The following GREP1 variants were observed in gnomAD, a reference collection of about 807,000 sequenced individuals.
GREP1 encodes glycine rich extracellular protein 1.
chr16:3,000,465 T>A (rs558182773), exon 31 of GREP1: 1 of 399,168 alleles, frequency 2.5e-6, no homozygotes. Flanking sequence ...GTTTTAGGAA[T>A]AGTGAGTCAG....
At position 2,994,793 on chromosome 16, in the gene GREP1, G is replaced by C. The variant is rs1182434214; in HGVS notation, c.416-13G>C. On this transcript the variant is annotated splice_polypyrimidine_tract_variant and intron_variant, in intron 11 of 34. Transcript: ENST00000573315. ...GCCCCAGGTTCCTCACCTGCTCCCT[G>C]TCTCTCCACCAGGCTATGTGGGGGC... The C allele has an allele frequency of 1.3e-5, 5 of 399,066 alleles. No homozygotes were observed. The highest frequency in any genetic ancestry group is 2.2e-5 in the Non-Finnish European group (5 of 226,206). 24.7% of individuals were successfully genotyped at this position (399,066 alleles called of 1,614,324 possible).
In GREP1 at chr16:2,991,066, G is replaced by A. The variant is rs2072396661; in HGVS notation, c.287G>A (p.Gly96Glu). 1 of 399,288 alleles carries A rather than the reference G, an allele frequency of 2.5e-6. No homozygotes were observed. The highest frequency in any genetic ancestry group is 3.6e-5 in the East Asian group (1 of 28,072). 24.7% of individuals were successfully genotyped at this position (399,288 alleles called of 1,614,324 possible). A position where few individuals can be genotyped will look rare whatever the true frequency, so the allele number is the denominator to read the frequency against. Reference sequence around the variant, plus strand: ...TCCCCAGGATATGGAAACGGGCTGGGAGCAGCGGCCTTCCCAGTGGCCGGA... The same window carrying A: ...TCCCCAGGATATGGAAACGGGCTGGAAGCAGCGGCCTTCCCAGTGGCCGGA... The change falls in exon 8 of 35, where the codon GGA becomes GAA. Residue 96 changes from glycine to glutamate, a missense_variant. Gly to Glu is a moderately conservative substitution (Grantham distance 98). Transcript: ENST00000573315. This position sits in a 1 kb window ranked among gnomAD's most constrained non-coding sequence, Gnocchi z 4.9.
chr16:2,988,931 G>C (rs1232368109), intron 2 of GREP1: 4 of 351,004 alleles, frequency 1.1e-5, no homozygotes, highest in Non-Finnish European at 2.0e-5. Context: ...GAGGGGGAGA[G>C]GAGGGAGGGG....
Position 2,989,389 on chromosome 16 carries a change from C to T in GREP1, c.101-134C>T. On this transcript the variant is annotated intron_variant, in intron 2 of 34. Transcript: ENST00000573315. This position sits in a 1 kb window ranked among gnomAD's most constrained non-coding sequence, Gnocchi z 4.2. ...CCCTTGTAAGTTCCCCTGCTTCCCC[C>T]TGAACCCCACAGGCTTAGGGAGCCC... The T allele has an allele frequency of 2.5e-6, 1 of 398,476 alleles. No individual in the cohort carries two copies. Among genetic ancestry groups the T allele is most frequent in the African/African-American group, 2.1e-5 (1 of 48,746 alleles). The allele number at this position is 398,476 out of a possible 1,614,324, so 24.7% of individuals were successfully genotyped here. A position where few individuals can be genotyped will look rare whatever the true frequency, so the allele number is the denominator to read the frequency against.
At chr16:3,001,904 G>A (rs539370566) in exon 35 of GREP1, 11 of 347,396 alleles carry the variant, frequency 3.2e-5, no homozygotes, top group South Asian at 1.5e-4. Context: ...CTTGGTGACC[G>A]CCTAGCGGGG....
chr16:2,990,986 T>C (rs2072396285), intron 7 of GREP1, 62 bp from the exon 7 acceptor site: 1 of 399,022 alleles, frequency 2.5e-6, no homozygotes, highest in African/African-American at 2.1e-5. Context: ...CCACCCTCTG[T>C]CTCTGTCTCT....
intron 21 of GREP1, 112 bp downstream of exon 20, chr16:2,997,197 A>T (rs2072429625): frequency 2.5e-6 from 1 of 398,666 alleles, no homozygotes; most frequent in African/African-American, 2.1e-5. Flanking sequence ...GAGCCGAGCC[A>T]GTGAGGGGGT....
At chr16:2,999,311 G>A (rs1040064556) in intron 27 of GREP1, 5 of 398,630 alleles carry the variant, frequency 1.3e-5, no homozygotes, top group African/African-American at 8.2e-5. Context: ...GTGTGAGTCT[G>A]TCTGCCCCCA....
At chr16:2,996,334 C>T (rs2072424649) in intron 18 of GREP1, among the ~76,000 whole-genome samples, 162 bp from the exon 18 acceptor site, 4 of 152,126 alleles carry the variant, frequency 2.6e-5, no homozygotes, top group African/African-American at 9.7e-5. Flanking sequence ...GTGCCACTGG[C>T]TGGCCGGATG....
chr16:2,997,751 A>T (rs1013970085), intron 22 of GREP1, 52 bp from the exon 21 acceptor site: 2 of 398,004 alleles, frequency 5.0e-6, no homozygotes, highest in Non-Finnish European at 8.8e-6. Flanking sequence ...TCTGGAAGAG[A>T]CCCCTCAGTG....
chr16:3,001,452 G>A, intron 34 of GREP1, 109 bp from the exon 29 acceptor site: 1 of 399,108 alleles, frequency 2.5e-6, no homozygotes, highest in Non-Finnish European at 4.4e-6. Context: ...CCACCTGTAG[G>A]TGGCTGCTGA....
Position 2,996,477 on chromosome 16 carries a change from TC to T in GREP1, c.677-15del. On this transcript the variant is annotated intron_variant, in intron 18 of 34. Coordinates refer to ENST00000573315, the Ensembl canonical transcript of GREP1. Reference sequence around the variant, plus strand: ...CTCCGAATGCCGCCGTCTCACACCCTCCCCGTCCCTCCCCCTAGAATATGGC... The same window carrying T: ...CTCCGAATGCCGCCGTCTCACACCCTCCCGTCCCTCCCCCTAGAATATGGC... 2.5e-6 allele frequency: 1 copy of T among 398,202 alleles called. No individual in the cohort carries two copies. The highest frequency in any genetic ancestry group is 4.4e-6 in the Non-Finnish European group (1 of 225,892). 24.7% of individuals were successfully genotyped at this position (398,202 alleles called of 1,614,324 possible).
In GREP1 at chr16:2,993,115, G is replaced by T. The variant is rs2072407213; in HGVS notation, c.385+152G>T. Reference sequence around the variant, plus strand: ...GGAGTCGGGGCCTTCCTGGGAGCTGGAACCCAGGCAGGTAAGGCCCTGGAG... The same window carrying T: ...GGAGTCGGGGCCTTCCTGGGAGCTGTAACCCAGGCAGGTAAGGCCCTGGAG... On this transcript the variant is annotated intron_variant, in intron 10 of 34. Coordinates refer to ENST00000573315, the Ensembl canonical transcript of GREP1. The T allele has an allele frequency of 7.6e-6, 3 of 394,736 alleles. No homozygotes were observed. The East Asian group carries it at 1.1e-4, about 14-fold the overall frequency. The allele number at this position is 394,736 out of a possible 1,614,324, so 24.5% of individuals were successfully genotyped here. A position where few individuals can be genotyped will look rare whatever the true frequency, so the allele number is the denominator to read the frequency against.
intron 33 of GREP1, among the ~76,000 whole-genome samples, chr16:3,001,066 C>T (rs1296212209): frequency 6.6e-6 from 1 of 152,064 alleles, no homozygotes. Flanking sequence ...GACACTGGAC[C>T]AAGAAGGGGA....
exon 20 of GREP1, chr16:2,996,700 T>C: frequency 2.5e-6 from 1 of 398,822 alleles, no homozygotes; most frequent in Non-Finnish European, 4.4e-6. Context: ...AAGCCTCAGA[T>C]GCCAGGTGAG....
At chr16:2,996,348 C>T in intron 18 of GREP1, 148 bp from the exon 18 acceptor site, 2 of 397,124 alleles carry the variant, frequency 5.0e-6, no homozygotes, top group Non-Finnish European at 8.9e-6. Context: ...CCGGATGTGG[C>T]TCTGCCTCTG....
chr16:2,993,073 G>T, intron 10 of GREP1, 110 bp downstream of exon 11: 1 of 396,930 alleles, frequency 2.5e-6, no homozygotes, highest in Non-Finnish European at 4.4e-6. Flanking sequence ...CTGGGATTTG[G>T]GAATAGGAAT....
At chr16:2,994,708 T>C (rs1302203828) in exon 11 of GREP1, 10 of 397,706 alleles carry the variant, frequency 2.5e-5, no homozygotes, top group Middle Eastern at 6.2e-4. Context: ...GCCCCACCAC[T>C]CAAAATGGCT....
intron 23 of GREP1, 91 bp downstream of exon 21, chr16:2,997,926 A>C: frequency 2.5e-6 from 1 of 396,766 alleles, no homozygotes. Context: ...CTGTCTCCCC[A>C]TGGTGCAAGA....
Sources: allele counts gnomAD v4.1 joint callset (sites outside exome capture counted in the v4.1 genomes callset), GRCh38; gene constraint gnomAD v4.1.1; non-coding constraint Gnocchi (gnomAD v3.1); transcripts MANE v1.5; gene names NCBI Gene and HGNC (gene_info 2026-07-23, HGNC 2026-07-21).